The following LRRC43 variants were observed in gnomAD, a reference collection of about 807,000 sequenced individuals.
LRRC43 encodes leucine-rich repeat-containing protein 43.
A neutral mutation model predicts 64.3 loss-of-function variants in LRRC43; 62 were observed. That is an observed-to-expected ratio of 0.96 (90% confidence interval 0.79 to 1.19). LRRC43 has a LOEUF of 1.19. Among genes scored for constraint, LRRC43 ranks in the 50% most tolerant of loss-of-function variants. The pLI is 0.00. For synonymous variants in LRRC43, 422 were observed against 382.3 expected (o/e 1.10, Z -1.21); for missense variants, 868 against 845.0 (o/e 1.03, Z -0.34).
chr12:122,173,744 T>C, intron 1 of LRRC43: 1 of 1,029,732 alleles, frequency 9.7e-7, no homozygotes, highest in Non-Finnish European at 1.5e-6. Context: ...CTGGCATAGC[T>C]ACAGCCCTGG....
intron 1 of LRRC43, among the ~76,000 whole-genome samples, chr12:122,170,632 G>GA (rs1056510957): frequency 6.6e-5 from 10 of 150,698 alleles, no homozygotes; most frequent in Admixed American, 5.3e-4. Context: ...CTCTCCGAAG[G>GA]AAAAAAAACA....
Position 122,176,613 on chromosome 12 carries a change from C to T in LRRC43, c.-405-7906C>T, listed in dbSNP as rs192689679. ...AAGTTCTGGGATTACAGGCATGAGTCACCATGCCTAGCCCTGATGAACTTT... is the reference window on the plus strand; with the variant it reads ...AAGTTCTGGGATTACAGGCATGAGTTACCATGCCTAGCCCTGATGAACTTT... On this transcript the variant is annotated intron_variant, in intron 1 of 5. Transcript: ENST00000537729. Among the ~76,000 whole-genome samples the T allele has an allele frequency of 1.5e-3, 232 of 151,276 alleles. 1 individual carries two copies. Among genetic ancestry groups the T allele is most frequent in the African/African-American group, 5.2e-3 (213 of 41,102 alleles).
rs186373951 is a variant in LRRC43 at position 122,194,106 on chromosome 12, T to G, written c.1349+1102T>G. Among the ~76,000 whole-genome samples, 190 of 152,286 alleles carry G rather than the reference T, an allele frequency of 1.2e-3. 3 individuals are homozygous for G. In the South Asian group the frequency reaches 0.023, roughly 19 times the overall value. On this transcript the variant is annotated intron_variant, in intron 7 of 11. Coordinates refer to ENST00000339777, the MANE Select transcript of LRRC43 (RefSeq NM_001098519.2). Reference sequence around the variant, plus strand: ...AGAGTAATTGTTATAAATATTAATTTTATTATAAACATAAATATGTTACAG... The same window carrying G: ...AGAGTAATTGTTATAAATATTAATTGTATTATAAACATAAATATGTTACAG...
chr12:122,184,941 C>T lies in LRRC43; in HGVS notation c.411+162C>T, dbSNP rs1953626221. ...TGCTTCATCTCCCTGGCTTGTGTGC[C>T]AGGCAGGGCCGGCTACTCGGTCAGC... is the stretch of plus-strand genomic sequence containing the variant. On this transcript the variant is annotated intron_variant, in intron 2 of 11. Transcript: ENST00000339777. This position sits in a 1 kb window ranked among gnomAD's most constrained non-coding sequence, Gnocchi z 4.0. Among the ~76,000 whole-genome samples the T allele has an allele frequency of 6.6e-6, 1 of 152,122 alleles. No homozygotes were observed. The highest frequency in any genetic ancestry group is 2.1e-4 in the South Asian group (1 of 4,824).
chr12:122,184,695 A>C lies in LRRC43; in HGVS notation c.327A>C (p.Arg109Ser). The C allele has an allele frequency of 6.2e-7, 1 of 1,613,956 alleles. No homozygotes were observed. Among genetic ancestry groups the C allele is most frequent in the Non-Finnish European group, 8.5e-7 (1 of 1,179,888 alleles). ...CGAATGCAGAAGACAGTTTCCTGAG[A>C]GAATTGGCCATCCGGAACCCGCTGA... Reference protein sequence around the residue: ...NNSNAEDSFLRELAIRNPLTI... With the variant: ...NNSNAEDSFLSELAIRNPLTI... Residue 109 changes from arginine (R) to serine (S), a missense_variant, in exon 2 of 12, where the codon AGA (arginine) becomes AGC (serine). Transcript: ENST00000339777. This position sits in a 1 kb window ranked among gnomAD's most constrained non-coding sequence, Gnocchi z 4.0.
Position 122,200,185 on chromosome 12 carries a change from C to CAAGGACTGTCCTCTT in LRRC43, c.1350-3_1361dup. On this transcript the variant is annotated splice_polypyrimidine_tract_variant and splice_region_variant and intron_variant, in intron 7 of 11. Transcript: ENST00000339777. The surrounding 1 kb of genome is among the most constrained non-coding windows in gnomAD (Gnocchi z 4.6). ...ACCCCCGTCTTCATCCCTCCCTCCC[C>CAAGGACTGTCCTCTT]AAGGACTGTCCTCTTCAGCACTGCC... 1 of 1,612,770 alleles carries CAAGGACTGTCCTCTT rather than the reference C, an allele frequency of 6.2e-7. No individual in the cohort carries two copies. The highest frequency in any genetic ancestry group is 8.5e-7 in the Non-Finnish European group (1 of 1,179,318).
intron 7 of LRRC43, among the ~76,000 whole-genome samples, chr12:122,194,576 A>AAAAAAG (rs1024124128): frequency 1.2e-5 from 1 of 86,472 alleles, no homozygotes; most frequent in African/African-American, 3.6e-5. Flanking sequence ...CAAAAAAAAA[A>AAAAAAG]AAAAGAAAAG....
Position 122,200,907 on chromosome 12 carries a change from G to C in LRRC43, c.1782G>C (p.Leu594Phe). 2 of 1,608,452 alleles carry C rather than the reference G, an allele frequency of 1.2e-6. No homozygotes were observed. The highest frequency in any genetic ancestry group is 2.2e-5 in the South Asian group (2 of 90,480). Reference sequence around the variant, plus strand: ...GCAACTTCGGCGTGGTCCGCACATTGACATCTGACAGGCTGACGTTGGCCA... The same window carrying C: ...GCAACTTCGGCGTGGTCCGCACATTCACATCTGACAGGCTGACGTTGGCCA... ...TVCNFGVVRT[L>F]TSDRLTLARD... Residue 594 changes from leucine to phenylalanine, a missense_variant, in exon 10 of 12, where the codon TTG becomes TTC. Transcript: ENST00000339777. This position sits in a 1 kb window ranked among gnomAD's most constrained non-coding sequence, Gnocchi z 4.6.
intron 1 of LRRC43, among the ~76,000 whole-genome samples, chr12:122,171,166 C>T (rs992406007): frequency 6.6e-6 from 1 of 152,150 alleles, no homozygotes; most frequent in Non-Finnish European, 1.5e-5. Context: ...GCATGCCGCG[C>T]CTGGCATTGA....
intron 1 of LRRC43, among the ~76,000 whole-genome samples, chr12:122,169,415 A>G (rs1953465488): frequency 6.6e-6 from 1 of 151,980 alleles, no homozygotes; most frequent in Non-Finnish European, 1.5e-5. Context: ...TATATTTATG[A>G]TTTATTAATT....
chr12:122,188,265 C>T (rs1263942411), intron 4 of LRRC43, among the ~76,000 whole-genome samples: 2 of 151,990 alleles, frequency 1.3e-5, no homozygotes, highest in Non-Finnish European at 2.9e-5. Context: ...CGCCACCATG[C>T]CCGGCTAATT....
rs767979161 is a variant in LRRC43 at position 122,183,165 on chromosome 12, C to G, written c.21C>G (p.Ser7=). 2 of 1,550,192 alleles carry G rather than the reference C, an allele frequency of 1.3e-6. No individual in the cohort carries two copies. The highest frequency in any genetic ancestry group is 1.7e-6 in the Non-Finnish European group (2 of 1,154,982). The change falls in exon 1 of 12, where the codon TCC becomes TCG. Residue 7 remains serine, a synonymous_variant. Coordinates refer to ENST00000339777, the MANE Select transcript of LRRC43 (RefSeq NM_001098519.2). The part of the protein sequence containing the change: MEASYE[S]ESESESEAGP... ...GGGCCATGGAGGCGTCGTACGAGTC[C>G]GAGTCCGAGTCCGAGTCTGAGGCCG...
chr12:122,186,254 A>G lies in LRRC43; in HGVS notation c.476A>G (p.Asn159Ser), dbSNP rs370162492. The change falls in exon 3 of 12, where the codon AAT becomes AGT. Residue 159 changes from asparagine to serine, a missense_variant. By Grantham distance (46) the Asn-to-Ser change is conservative. Transcript: ENST00000339777. ...LKLEELVLSA[N>S]RIKEVDATNL... ...CTGGAGGAGTTGGTACTGAGCGCCA[A>G]TCGAATCAAGGAGGTGGATGCCACC... 8.5e-5 allele frequency: 136 copies of G among 1,606,446 alleles called. No individual in the cohort carries two copies. The highest frequency in any genetic ancestry group is 3.3e-4 in the Middle Eastern group (2 of 6,056).
Position 122,203,344 on chromosome 12 carries a change from G to C in LRRC43, c.1873G>C (p.Glu625Gln). The change falls in exon 12 of 12, where the codon GAA (glutamate) becomes CAA (glutamine). Residue 625 changes from glutamate (E) to glutamine (Q), a missense_variant. Transcript: ENST00000339777. Reference protein sequence around the residue: ...EKPKAVIPIYEGDYHPEPLTV... With the variant: ...EKPKAVIPIYQGDYHPEPLTV... ...GCCGAAAGCCGTGATTCCGATCTAC[G>C]AAGGCGATTACCACCCTGAGCCCCT... 1 of 1,613,162 alleles carries C rather than the reference G, an allele frequency of 6.2e-7. No homozygotes were observed. The highest frequency in any genetic ancestry group is 8.5e-7 in the Non-Finnish European group (1 of 1,179,914).
chr12:122,173,221 C>T (rs186441827), intron 1 of LRRC43, among the ~76,000 whole-genome samples: 1 of 152,252 alleles, frequency 6.6e-6, no homozygotes, highest in Admixed American at 6.5e-5. Flanking sequence ...TAGAGTCAGA[C>T]CAAATTGCCA....
At chr12:122,187,253 A>G (rs1953655572) in intron 3 of LRRC43, 1 of 152,706 alleles carries the variant, frequency 6.5e-6, no homozygotes, top group Non-Finnish European at 1.5e-5. Context: ...AATAAACAAT[A>G]AATAAATAAA....
intron 1 of LRRC43, among the ~76,000 whole-genome samples, chr12:122,171,739 CT>C (rs531030277): frequency 6.6e-6 from 1 of 151,310 alleles, no homozygotes; most frequent in Non-Finnish European, 1.5e-5. Context: ...TTTTCTCTTT[CT>C]TTTTTTTAAA....
chr12:122,198,623 CTTTTTTT>C (rs1012460173), intron 7 of LRRC43, among the ~76,000 whole-genome samples: 2 of 100,494 alleles, frequency 2.0e-5, no homozygotes, highest in South Asian at 2.9e-4. Flanking sequence ...TGCTTCATTC[CTTTTTTT>C]TTTTTTTTTT....
intron 1 of LRRC43, among the ~76,000 whole-genome samples, chr12:122,175,132 G>A (rs969188417): frequency 2.0e-5 from 3 of 151,252 alleles, no homozygotes; most frequent in South Asian, 2.1e-4. Flanking sequence ...GAGCCACTGC[G>A]CCAGCCTAGA....
Sources: gnomAD v4.1 joint callset for allele counts (sites outside exome capture counted in the v4.1 genomes callset) on GRCh38, gnomAD v4.1.1 for gene constraint, Gnocchi (gnomAD v3.1) non-coding constraint, MANE v1.5 for transcripts, NCBI Gene and HGNC (gene_info 2026-07-23, HGNC 2026-07-21) for gene names.